The following KDM5A variants were observed in gnomAD, a reference collection of about 807,000 sequenced individuals.
The protein encoded by KDM5A is lysine demethylase 5A.
KDM5A carries 42 observed loss-of-function variants against 193.5 expected under a neutral mutation model. The ratio of observed to expected loss-of-function variants is 0.22; its 90% CI spans 0.17 to 0.28. KDM5A has a LOEUF of 0.28. KDM5A is among the 10% of genes least tolerant of loss of function. The pLI is 1.00. For synonymous variants in KDM5A, 796 were observed against 718.1 expected, an observed-to-expected ratio of 1.11 and a Z score of -1.73; for missense variants, 1,692 against 2,055.1, an observed-to-expected ratio of 0.82 and a Z score of 3.42.
At chr12:325,725 G>C (rs1453722341) in intron 14 of KDM5A, among the ~76,000 whole-genome samples, 1 of 150,568 alleles carries the variant, frequency 6.6e-6, no homozygotes, top group Non-Finnish European at 1.5e-5. Flanking sequence ...AACTATGAAG[G>C]AAACGAGGCC....
In KDM5A at chr12:284,793, T is replaced by C; in HGVS notation, c.*663A>G. The stretch of plus-strand genomic sequence containing the variant: ...AATCTAGTCAGATTTCTGATCTAGA[T>C]GATATCCTCATCTTACAAAGATAAG... On this transcript the variant is annotated 3_prime_UTR_variant, in exon 28 of 28. Coordinates refer to ENST00000399788, the MANE Select transcript of KDM5A (RefSeq NM_001042603.3). The C allele has an allele frequency of 8.6e-6, 2 of 233,626 alleles. No homozygotes were observed. The allele number at this position is 233,626 out of a possible 1,614,324, so 14.5% of individuals were successfully genotyped here.
At chr12:359,181 G>A (rs1202109831) in intron 5 of KDM5A, among the ~76,000 whole-genome samples, 1 of 152,108 alleles carries the variant, frequency 6.6e-6, no homozygotes, top group Non-Finnish European at 1.5e-5. Context: ...ATTAGAGCTG[G>A]ATTAGAGTGT....
At chr12:322,651 T>A in intron 16 of KDM5A, 84 bp from the exon 17 acceptor site, 1 of 1,102,726 alleles carries the variant, frequency 9.1e-7, no homozygotes. Context: ...CTCACTCAAG[T>A]GAGTCCCCAA....
At chr12:358,912 A>G (rs941441302) in intron 5 of KDM5A, among the ~76,000 whole-genome samples, 1 of 152,156 alleles carries the variant, frequency 6.6e-6, no homozygotes, top group East Asian at 1.9e-4. Flanking sequence ...CAGACATTGC[A>G]GTGAGCTGAG....
chr12:355,384 A>G (rs964644025), intron 6 of KDM5A, 135 bp from the exon 7 acceptor site: 2 of 668,062 alleles, frequency 3.0e-6, no homozygotes, highest in African/African-American at 1.8e-5. Context: ...ACTATTTATT[A>G]TCTCTCACTG....
intron 14 of KDM5A, among the ~76,000 whole-genome samples, chr12:328,156 A>C (rs1943816044): frequency 6.6e-6 from 1 of 152,264 alleles, no homozygotes; most frequent in East Asian, 1.9e-4. Context: ...AATTGTACAC[A>C]TTAAACACAT....
chr12:351,667 A>T (rs1944161540), intron 9 of KDM5A, among the ~76,000 whole-genome samples: 1 of 152,150 alleles, frequency 6.6e-6, no homozygotes, highest in Non-Finnish European at 1.5e-5. Flanking sequence ...TAAAATAACA[A>T]TTCAAGCATC....
chr12:348,310 G>A (rs962409941), intron 10 of KDM5A, among the ~76,000 whole-genome samples: 2 of 152,216 alleles, frequency 1.3e-5, no homozygotes, highest in African/African-American at 2.4e-5. Context: ...TACACTGTTG[G>A]TGGGACTGTA....
intron 10 of KDM5A, among the ~76,000 whole-genome samples, chr12:344,570 G>A (rs895092004): frequency 6.6e-5 from 10 of 152,142 alleles, no homozygotes; most frequent in Non-Finnish European, 1.0e-4. Context: ...CGGATCTCTC[G>A]GCAGAAACCC....
intron 4 of KDM5A, among the ~76,000 whole-genome samples, chr12:363,511 T>G (rs979101805): frequency 6.6e-6 from 1 of 152,268 alleles, no homozygotes; most frequent in South Asian, 2.1e-4. Flanking sequence ...GCTAAATCAG[T>G]GGGAAAAGGA....
intron 22 of KDM5A, among the ~76,000 whole-genome samples, chr12:309,433 G>A (rs1161663705): frequency 1.3e-5 from 2 of 152,214 alleles, no homozygotes; most frequent in East Asian, 1.9e-4. Context: ...GTTTATATCA[G>A]TCTGTAGTAA....
chr12:307,800 C>T lies in KDM5A; in HGVS notation c.3584G>A (p.Ser1195Asn), dbSNP rs1943529624. The stretch of plus-strand genomic sequence containing the variant: ...CCAGCTGGATCCTTTTTTTTGGGAA[C>T]TTGATTTAGGAAGAGGAACACAGCT... ...HNSCVPLPKS[S>N]SQKKGSSWQA... The change falls in exon 23 of 28, where the codon AGT becomes AAT. Residue 1195 changes from serine (S) to asparagine (N), a missense_variant. Transcript: ENST00000399788. This position sits in a 1 kb window ranked among gnomAD's most constrained non-coding sequence, Gnocchi z 4.3. 1 of 1,614,112 alleles carries T rather than the reference C, an allele frequency of 6.2e-7. No homozygotes were observed. The highest frequency in any genetic ancestry group is 8.5e-7 in the Non-Finnish European group (1 of 1,179,988).
intron 10 of KDM5A, among the ~76,000 whole-genome samples, chr12:335,291 G>A (rs151332236): frequency 2.1e-3 from 324 of 152,336 alleles, no homozygotes; most frequent in African/African-American, 7.5e-3. Context: ...AGCCATATGA[G>A]GCTATGACTT....
intron 24 of KDM5A, among the ~76,000 whole-genome samples, chr12:300,880 C>A (rs1159223786): frequency 6.6e-6 from 1 of 152,124 alleles, no homozygotes; most frequent in Non-Finnish European, 1.5e-5. Flanking sequence ...TACAAACTAC[C>A]AGCAGACAAT....
In KDM5A at chr12:307,120, C is replaced by T. The variant is rs1254427059; in HGVS notation, c.3931-31G>A. The T allele has an allele frequency of 1.2e-6, 2 of 1,613,466 alleles. No individual in the cohort carries two copies. The highest frequency in any genetic ancestry group is 1.7e-6 in the Non-Finnish European group (2 of 1,179,656). The stretch of plus-strand genomic sequence containing the variant: ...CAACAAATAATTCCAAGATGAACAG[C>T]AAGACATGCTAAACAGACAGGGTAA... On this transcript the variant is annotated intron_variant, in intron 23 of 27. Transcript: ENST00000399788. This position sits in a 1 kb window ranked among gnomAD's most constrained non-coding sequence, Gnocchi z 4.3.
chr12:282,257 A>G lies in KDM5A; in HGVS notation c.*3199T>C. 4.2e-6 allele frequency: 1 copy of G among 238,480 alleles called. No individual in the cohort carries two copies. Among genetic ancestry groups the G allele is most frequent in the Non-Finnish European group, 8.3e-6 (1 of 121,016 alleles). The allele number at this position is 238,480 out of a possible 1,614,324, so 14.8% of individuals were successfully genotyped here. On this transcript the variant is annotated 3_prime_UTR_variant, in exon 28 of 28. Coordinates refer to ENST00000399788, the MANE Select transcript of KDM5A (RefSeq NM_001042603.3). Reference sequence around the variant, plus strand: ...CAGGTTGAAGCAATCTTCCCACTTCAGCCTCCTGACCACAGGTGCACTCTA... The same window carrying G: ...CAGGTTGAAGCAATCTTCCCACTTCGGCCTCCTGACCACAGGTGCACTCTA...
At chr12:371,241 A>C (rs1485708294) in intron 3 of KDM5A, among the ~76,000 whole-genome samples, 1 of 152,164 alleles carries the variant, frequency 6.6e-6, no homozygotes, top group Non-Finnish European at 1.5e-5. Flanking sequence ...AACAGTGTAA[A>C]ATTGTTCCTA....
At chr12:305,056 G>A (rs185768957) in intron 24 of KDM5A, among the ~76,000 whole-genome samples, 1 of 152,290 alleles carries the variant, frequency 6.6e-6, no homozygotes, top group East Asian at 1.9e-4. Flanking sequence ...GCTGTGTGTG[G>A]TATAAGCTAG....
intron 27 of KDM5A, among the ~76,000 whole-genome samples, chr12:286,378 G>T (rs1437985703): frequency 1.3e-5 from 2 of 152,222 alleles, no homozygotes; most frequent in Non-Finnish European, 2.9e-5. Context: ...GTGATTACAG[G>T]AGGCTAGGAA....
Sources: allele counts gnomAD v4.1 joint callset (sites outside exome capture counted in the v4.1 genomes callset), GRCh38; gene constraint gnomAD v4.1.1; non-coding constraint Gnocchi (gnomAD v3.1); transcripts MANE v1.5; gene names NCBI Gene and HGNC (gene_info 2026-07-23, HGNC 2026-07-21).